Variants in UBA6 observed in about 807,000 individuals in gnomAD.
The protein encoded by UBA6 is ubiquitin-like modifier-activating enzyme 6.
UBA6 carries 87 observed loss-of-function variants against 148.3 expected under a neutral mutation model. The ratio of observed to expected loss-of-function variants is 0.59; its 90% CI spans 0.49 to 0.70. The LOEUF (loss-of-function observed/expected upper bound fraction) is 0.70. UBA6 is among the 30% of genes least tolerant of loss of function. The pLI, the probability that UBA6 is intolerant of heterozygous loss-of-function variation, is 0.00. For missense variants in UBA6, 1,186 were observed against 1,241.2 expected, an observed-to-expected ratio of 0.96 and a Z score of 0.67; for synonymous variants, 376 against 401.0, an observed-to-expected ratio of 0.94 and a Z score of 0.75.
chr4:67,667,990 T>C (rs969517872), intron 9 of UBA6, among the ~76,000 whole-genome samples: 1 of 152,214 alleles, frequency 6.6e-6, no homozygotes, highest in Non-Finnish European at 1.5e-5. Context: ...AAATACTTCA[T>C]TGCCACCTCA....
chr4:67,675,021 C>T (rs1234278912), intron 6 of UBA6, among the ~76,000 whole-genome samples: 2 of 152,214 alleles, frequency 1.3e-5, no homozygotes, highest in Non-Finnish European at 2.9e-5. Context: ...AGGCACATGC[C>T]ACCATGCCCA....
In UBA6 at chr4:67,625,191, A is replaced by G. The variant is rs1300516972; in HGVS notation, c.2519-4T>C. ...AGCACTGCCATCTGAAGGTCACCTG[A>G]TTATACCAACCAGATAAACAAAGTT... On this transcript the variant is annotated splice_region_variant and splice_polypyrimidine_tract_variant and intron_variant, in intron 28 of 32. Coordinates refer to ENST00000322244, the MANE Select transcript of UBA6 (RefSeq NM_018227.6). The G allele has an allele frequency of 3.1e-6, 5 of 1,600,858 alleles. No individual in the cohort carries two copies. The highest frequency in any genetic ancestry group is 4.3e-6 in the Non-Finnish European group (5 of 1,173,810).
chr4:67,666,574 C>A (rs1730001606), intron 9 of UBA6, among the ~76,000 whole-genome samples: 1 of 151,998 alleles, frequency 6.6e-6, no homozygotes, highest in South Asian at 2.1e-4. Context: ...AGCTATTTAA[C>A]AATGTTTTTT....
intron 14 of UBA6, among the ~76,000 whole-genome samples, chr4:67,648,768 G>A (rs527812471): frequency 6.6e-6 from 1 of 152,206 alleles, no homozygotes; most frequent in East Asian, 1.9e-4. Context: ...GCCCGAGAAT[G>A]CTAAGCTTAT....
At chr4:67,650,325 T>C (rs1478601716) in intron 13 of UBA6, among the ~76,000 whole-genome samples, 1 of 152,124 alleles carries the variant, frequency 6.6e-6, no homozygotes, top group Non-Finnish European at 1.5e-5. Flanking sequence ...TATTCAATAT[T>C]TTATAGCTAG....
rs768635275 is a variant in UBA6, at chr4:67,646,021, A to G, written c.1317-5T>C. Reference sequence around the variant, plus strand: ...AAGGCATCATATCTATCTCCTCTGAAAAAAATAACATATACCAAAAAGCAG... The same window carrying G: ...AAGGCATCATATCTATCTCCTCTGAGAAAAATAACATATACCAAAAAGCAG... On this transcript the variant is annotated splice_polypyrimidine_tract_variant and splice_region_variant and intron_variant, in intron 15 of 32. Coordinates refer to ENST00000322244, the MANE Select transcript of UBA6 (RefSeq NM_018227.6). 6.5e-7 allele frequency: 1 copy of G among 1,538,580 alleles called. No homozygotes were observed. The highest frequency in any genetic ancestry group is 8.8e-7 in the Non-Finnish European group (1 of 1,135,478).
At chr4:67,681,447 T>TA (rs11394457) in intron 4 of UBA6, 116 bp downstream of exon 4, 139,247 of 626,740 alleles carry the variant, frequency 0.22, 16,882 homozygotes, top group Non-Finnish European at 0.24. Flanking sequence ...TGATTTTTTT[T>TA]AAAAAGTAGA....
At chr4:67,658,055 G>A (rs1729746489) in intron 13 of UBA6, among the ~76,000 whole-genome samples, 1 of 152,180 alleles carries the variant, frequency 6.6e-6, no homozygotes, top group South Asian at 2.1e-4. Flanking sequence ...ATGCTGGAGA[G>A]GATGTGGAGA....
At chr4:67,679,623 G>A (rs551051125) in intron 4 of UBA6, among the ~76,000 whole-genome samples, 1 of 151,838 alleles carries the variant, frequency 6.6e-6, no homozygotes, top group East Asian at 1.9e-4. Context: ...TGCCATACAA[G>A]TAAAATATAA....
In UBA6 at chr4:67,614,036, C is replaced by T. The variant is rs1728582961; in HGVS notation, c.*4961G>A. On this transcript the variant is annotated 3_prime_UTR_variant, in exon 33 of 33. Transcript: ENST00000322244. ...CTAAGACCCAGGCATCCTTTTAGGT[C>T]CAATAAGAAACACTTTACAACCTGC... The T allele has an allele frequency of 6.6e-6, 1 of 151,980 alleles. No homozygotes were observed. The highest frequency in any genetic ancestry group is 2.1e-4 in the South Asian group (1 of 4,808). The allele number at this position is 151,980 out of a possible 1,614,324, so 9.4% of individuals were successfully genotyped here.
chr4:67,684,826 A>T (rs778037813), intron 2 of UBA6, among the ~76,000 whole-genome samples: 72 of 152,122 alleles, frequency 4.7e-4, no homozygotes, highest in Admixed American at 4.3e-3. Context: ...ATAATAACTG[A>T]GTTTTTACTA....
chr4:67,650,122 C>A (rs921225250), intron 13 of UBA6, among the ~76,000 whole-genome samples: 1 of 152,016 alleles, frequency 6.6e-6, no homozygotes, highest in Non-Finnish European at 1.5e-5. Flanking sequence ...TTAAATTCTG[C>A]AATTTTTGAA....
At chr4:67,648,976 G>T in intron 14 of UBA6, 92 bp downstream of exon 14, 2 of 1,334,400 alleles carry the variant, frequency 1.5e-6, no homozygotes, top group Non-Finnish European at 2.0e-6. Flanking sequence ...GTATTTTAAG[G>T]TCGCTTTTCT....
rs1728666386 is a variant in UBA6, at chr4:67,618,040, A to AC, written c.*956_*957insG. 1 of 150,632 alleles carries AC rather than the reference A, an allele frequency of 6.6e-6. No homozygotes were observed. The highest frequency in any genetic ancestry group is 1.5e-5 in the Non-Finnish European group (1 of 67,556). 9.3% of individuals were successfully genotyped at this position (150,632 alleles called of 1,614,324 possible). ...AATAACATGCTTCTGTTTAAAAAAA[A>AC]AAAACAAAAAAAACACAAAATTTAA... On this transcript the variant is annotated 3_prime_UTR_variant, in exon 33 of 33. Coordinates refer to ENST00000322244, the MANE Select transcript of UBA6 (RefSeq NM_018227.6).
At chr4:67,676,019 CTTTTTTTTTT>C (rs397878783) in intron 6 of UBA6, among the ~76,000 whole-genome samples, 1 of 117,152 alleles carries the variant, frequency 8.5e-6, no homozygotes, top group African/African-American at 3.3e-5. Context: ...ATAGTACTAC[CTTTTTTTTTT>C]TTTTTTTTTT....
intron 19 of UBA6, among the ~76,000 whole-genome samples, 190 bp downstream of exon 19, chr4:67,638,753 G>T (rs1355410506): frequency 6.6e-6 from 1 of 152,192 alleles, no homozygotes; most frequent in East Asian, 1.9e-4. Flanking sequence ...AAAACATTTA[G>T]GTTATGTTAC....
intron 9 of UBA6, 70 bp downstream of exon 9, chr4:67,668,481 C>T: frequency 6.9e-7 from 1 of 1,439,572 alleles, no homozygotes; most frequent in Non-Finnish European, 9.6e-7. Context: ...ATTCTGTTCC[C>T]AACACTTAGT....
At position 67,613,398 on chromosome 4, in the gene UBA6, T is replaced by C. The variant is rs1337167827; in HGVS notation, c.*5599A>G. ...AGGCGGGTTTTGATTCTGGAATTATTAGACAGACTAGAAAATAATTATGCT... is the reference window on the plus strand; with the variant it reads ...AGGCGGGTTTTGATTCTGGAATTATCAGACAGACTAGAAAATAATTATGCT... On this transcript the variant is annotated 3_prime_UTR_variant, in exon 33 of 33. Coordinates refer to ENST00000322244, the MANE Select transcript of UBA6 (RefSeq NM_018227.6). 1 of 152,190 alleles carries C rather than the reference T, an allele frequency of 6.6e-6. No individual in the cohort carries two copies. Among genetic ancestry groups the C allele is most frequent in the Non-Finnish European group, 1.5e-5 (1 of 68,022 alleles). The allele number at this position is 152,190 out of a possible 1,614,324, so 9.4% of individuals were successfully genotyped here. A position where few individuals can be genotyped will look rare whatever the true frequency, so the allele number is the denominator to read the frequency against.
chr4:67,625,784 G>A (rs542806621), intron 28 of UBA6, among the ~76,000 whole-genome samples: 1 of 151,972 alleles, frequency 6.6e-6, no homozygotes, highest in South Asian at 2.1e-4. Flanking sequence ...CGGTGAGCAG[G>A]TCAAAACAGA....
Sources: gnomAD v4.1 joint callset for allele counts (sites outside exome capture counted in the v4.1 genomes callset) on GRCh38, gnomAD v4.1.1 for gene constraint, MANE v1.5 for transcripts, NCBI Gene and HGNC (gene_info 2026-07-23, HGNC 2026-07-21) for gene names.